LRIG1: variants seen among roughly 807,000 people sequenced by gnomAD.
LRIG1 encodes leucine rich repeats and immunoglobulin like domains 1.
In LRIG1, 48 loss-of-function variants were observed where a neutral mutation model predicts 99.2. The ratio of observed to expected loss-of-function variants is 0.48; its 90% confidence interval spans 0.38 to 0.62. The LOEUF (loss-of-function observed/expected upper bound fraction) is 0.62, where lower values mean the gene tolerates loss of function less well. LRIG1 is among the 20% of genes least tolerant of loss of function. LRIG1 has a pLI of 0.00. For synonymous variants in LRIG1, 772 were observed against 596.1 expected (o/e 1.29, Z -4.30); for missense variants, 1,646 against 1,434.4 (o/e 1.15, Z -2.38).
At chr3:66,382,484 A>G in intron 15 of LRIG1, 86 bp from the exon 16 acceptor site, 1 of 1,506,694 alleles carries the variant, frequency 6.6e-7, no homozygotes, top group Non-Finnish European at 9.2e-7. Context: ...CAGAAAGGGG[A>G]TCCTCCCAGT....
chr3:66,386,237 G>A lies in LRIG1; in HGVS notation c.1533C>T (p.Asp511=), dbSNP rs1339881217. 5 of 1,614,122 alleles carry A rather than the reference G, an allele frequency of 3.1e-6. No individual in the cohort carries two copies. Among genetic ancestry groups the A allele is most frequent in the Non-Finnish European group, 4.2e-6 (5 of 1,180,024 alleles). The change falls in exon 13 of 19, where the codon GAC becomes GAT. Residue 511 remains aspartate (D), a synonymous_variant. Transcript: ENST00000273261. ...PETTMAMVGK[D]IRFTCSAASS... The stretch of plus-strand genomic sequence containing the variant: ...TGGCTGCTGAGCATGTAAACCGGAT[G>A]TCCTTGCCCACCATAGCCATGGTGG...
rs773737443 is a variant in LRIG1 at position 66,386,184 on chromosome 3, G to A, written c.1586C>T (p.Ala529Val). ...ASSSSSPMTF[A>V]WKKDNEVLTN... ...CAGGACTTCATTGTCTTTCTTCCAG[G>A]CAAAGGTCATGGGGGAGCTGCTGCT... is the stretch of plus-strand genomic sequence containing the variant. Residue 529 changes from alanine (A) to valine (V), a missense_variant, in exon 13 of 19, where the codon GCC becomes GTC. By Grantham distance (64) the Ala-to-Val change is moderately conservative (BLOSUM62 0). Coordinates refer to ENST00000273261, the MANE Select transcript of LRIG1 (RefSeq NM_015541.3). 6.8e-6 allele frequency: 11 copies of A among 1,613,972 alleles called. No homozygotes were observed. In the East Asian group the frequency reaches 2.5e-4, roughly 36 times the overall value.
At chr3:66,414,322 C>A (rs543092574) in intron 5 of LRIG1, among the ~76,000 whole-genome samples, 2 of 151,790 alleles carry the variant, frequency 1.3e-5, no homozygotes, top group African/African-American at 4.8e-5. Flanking sequence ...GTGTGAACCC[C>A]GGGGGCGGAG....
intron 8 of LRIG1, chr3:66,405,710 G>T (rs559800998): frequency 7.1e-4 from 778 of 1,103,388 alleles, no homozygotes; most frequent in Non-Finnish European, 8.1e-4. Context: ...GCACATGGAA[G>T]AAAGAGACCC....
intron 3 of LRIG1, among the ~76,000 whole-genome samples, chr3:66,449,231 C>T (rs938402958): frequency 6.6e-6 from 1 of 152,184 alleles, no homozygotes; most frequent in African/African-American, 2.4e-5. Flanking sequence ...TGCTGCTAAC[C>T]TAACTTGCCA....
At chr3:66,407,716 G>C (rs1260669872) in intron 7 of LRIG1, among the ~76,000 whole-genome samples, 2 of 152,246 alleles carry the variant, frequency 1.3e-5, no homozygotes, top group Non-Finnish European at 2.9e-5. Flanking sequence ...CTGACTCGTA[G>C]AATGGGTGCA....
intron 2 of LRIG1, among the ~76,000 whole-genome samples, chr3:66,457,358 C>G (rs573649276): frequency 5.9e-5 from 9 of 151,378 alleles, no homozygotes; most frequent in Admixed American, 5.3e-4. Flanking sequence ...AGGCCTGGGT[C>G]TTTTATCAGT....
intron 11 of LRIG1, among the ~76,000 whole-genome samples, chr3:66,394,708 C>T (rs894723667): frequency 3.9e-5 from 6 of 152,268 alleles, no homozygotes; most frequent in Non-Finnish European, 8.8e-5. Flanking sequence ...AATTCTGCAA[C>T]AAGTTCCGAG....
chr3:66,487,748 G>T (rs1305281029), intron 1 of LRIG1, among the ~76,000 whole-genome samples: 1 of 152,186 alleles, frequency 6.6e-6, no homozygotes, highest in East Asian at 1.9e-4. Flanking sequence ...CACGAGGCTC[G>T]AAGAAGGGTG....
intron 12 of LRIG1, among the ~76,000 whole-genome samples, chr3:66,393,548 G>T (rs567698002): frequency 5.3e-5 from 8 of 152,232 alleles, no homozygotes; most frequent in African/African-American, 1.7e-4. Flanking sequence ...ATGTAAAGCT[G>T]CAAGTGCAGA....
chr3:66,381,390 G>A, intron 17 of LRIG1, 89 bp downstream of exon 17: 1 of 1,324,232 alleles, frequency 7.6e-7, no homozygotes, highest in Non-Finnish European at 1.1e-6. Flanking sequence ...TGTGGACTAG[G>A]AATGTGTCTC....
intron 11 of LRIG1, among the ~76,000 whole-genome samples, chr3:66,397,372 A>C (rs1701891120): frequency 6.6e-6 from 1 of 151,718 alleles, no homozygotes; most frequent in Admixed American, 6.6e-5. Flanking sequence ...CACTTCTAGG[A>C]ACCAAAAGTT....
intron 1 of LRIG1, among the ~76,000 whole-genome samples, chr3:66,486,938 G>A (rs1380977949): frequency 6.6e-6 from 1 of 152,132 alleles, no homozygotes; most frequent in Non-Finnish European, 1.5e-5. Context: ...GCTCCAAATA[G>A]AGGAAAAACT....
At chr3:66,440,310 A>T (rs949423740) in intron 3 of LRIG1, among the ~76,000 whole-genome samples, 2 of 152,126 alleles carry the variant, frequency 1.3e-5, no homozygotes, top group Non-Finnish European at 2.9e-5. Flanking sequence ...TCCCTAGGTC[A>T]TTCTACTATG....
At chr3:66,406,872 T>A (rs1702287330) in intron 8 of LRIG1, among the ~76,000 whole-genome samples, 1 of 152,226 alleles carries the variant, frequency 6.6e-6, no homozygotes, top group Non-Finnish European at 1.5e-5. Context: ...GTACAGGTTA[T>A]GCTGAAGAAG....
chr3:66,445,206 T>C (rs1394713372), intron 3 of LRIG1, among the ~76,000 whole-genome samples: 1 of 152,068 alleles, frequency 6.6e-6, no homozygotes, highest in Non-Finnish European at 1.5e-5. Context: ...AGCAATAAAA[T>C]GCCTGTAGCC....
Position 66,382,032 on chromosome 3 carries a change from A to C in LRIG1, c.2617+241T>G, listed in dbSNP as rs532564682. Reference sequence around the variant, plus strand: ...CTGCTACTCCAGGCAAGCCTACTTTATCCTGCCAGGGAGATGCTAAGCCCA... The same window carrying C: ...CTGCTACTCCAGGCAAGCCTACTTTCTCCTGCCAGGGAGATGCTAAGCCCA... On this transcript the variant is annotated intron_variant, in intron 16 of 18. Transcript: ENST00000273261. Among the ~76,000 whole-genome samples, 3 of 152,330 alleles carry C rather than the reference A, an allele frequency of 2.0e-5. No homozygotes were observed. The East Asian group carries it at 5.8e-4, about 29-fold the overall frequency.
intron 2 of LRIG1, among the ~76,000 whole-genome samples, chr3:66,456,170 C>A (rs1232307041): frequency 1.3e-5 from 2 of 152,186 alleles, no homozygotes; most frequent in Non-Finnish European, 2.9e-5. Context: ...CCCTTACTTC[C>A]CTCTTCTGAA....
rs1222649612 is a variant in LRIG1 at position 66,383,214 on chromosome 3, C to T, written c.2259G>A (p.Val753=). The T allele has an allele frequency of 6.2e-7, 1 of 1,614,130 alleles. No homozygotes were observed. Among genetic ancestry groups the T allele is most frequent in the African/African-American group, 1.3e-5 (1 of 74,948 alleles). ...PDNQLLVVQN[V]VAEDAGRYTC... ...TATATCGGCCCGCATCCTCTGCCAC[C>T]ACGTTCTGAACCACCAGGAGCTGGT... Residue 753 remains valine, a synonymous_variant, in exon 15 of 19, where the codon GTG becomes GTA. Coordinates refer to ENST00000273261, the MANE Select transcript of LRIG1 (RefSeq NM_015541.3).
Sources: gnomAD v4.1 joint callset for allele counts (sites outside exome capture counted in the v4.1 genomes callset) on GRCh38, gnomAD v4.1.1 for gene constraint, MANE v1.5 for transcripts, NCBI Gene and HGNC (gene_info 2026-07-23, HGNC 2026-07-21) for gene names.